The following PRPF18 variants were observed in gnomAD, a reference collection of about 807,000 sequenced individuals.
PRPF18 encodes pre-mRNA-splicing factor 18.
A neutral mutation model predicts 46.5 loss-of-function variants in PRPF18; 38 were observed. That is an observed-to-expected ratio of 0.82 (90% CI 0.63 to 1.07). The LOEUF is 1.07. Among genes scored for constraint, PRPF18 ranks in the 50% least tolerant of loss-of-function variants. The probability of loss-of-function intolerance (pLI) is 0.00; values close to 1 mark genes in which losing one functional copy is unlikely to be tolerated. For synonymous variants in PRPF18, 152 were observed against 146.7 expected (o/e 1.04, Z -0.26); for missense variants, 263 against 410.0 (o/e 0.64, Z 3.10).
At chr10:13,630,986 A>G (rs2134116580), downstream of PRPF18, 1 of 152,382 alleles carries the variant, frequency 6.6e-6, no homozygotes, top group African/African-American at 2.4e-5. Flanking sequence ...AGAAGTTTGA[A>G]GAAACAGAGA....
In PRPF18 at chr10:13,630,700, T is replaced by C. The variant is rs1004240720; in HGVS notation, c.*360T>C. 1 of 152,922 alleles carries C rather than the reference T, an allele frequency of 6.5e-6. No homozygotes were observed. Among genetic ancestry groups the C allele is most frequent in the African/African-American group, 2.4e-5 (1 of 41,468 alleles). 9.5% of individuals were successfully genotyped at this position (152,922 alleles called of 1,614,324 possible). ...AACATTTGAGGATGGACTTAATTATTTCAGTAAAATATTATAATTTGCCTA... is the reference window on the plus strand; with the variant it reads ...AACATTTGAGGATGGACTTAATTATCTCAGTAAAATATTATAATTTGCCTA... On this transcript the variant is annotated 3_prime_UTR_variant, in exon 10 of 10. Transcript: ENST00000378572.
At chr10:13,616,023 T>C (rs963652050) in intron 8 of PRPF18, among the ~76,000 whole-genome samples, 3 of 152,214 alleles carry the variant, frequency 2.0e-5, no homozygotes, top group Admixed American at 6.5e-5. Context: ...TGACCCCCTG[T>C]GGAGAAGACT....
intron 4 of PRPF18, among the ~76,000 whole-genome samples, chr10:13,608,331 T>C (rs567455286): frequency 6.6e-6 from 1 of 152,254 alleles, no homozygotes; most frequent in African/African-American, 2.4e-5. Context: ...TTTCCTGGCG[T>C]CTCAGTTGGA....
At chr10:13,601,018 T>C (rs560578188) in intron 3 of PRPF18, among the ~76,000 whole-genome samples, 1 of 152,280 alleles carries the variant, frequency 6.6e-6, no homozygotes, top group East Asian at 1.9e-4. Flanking sequence ...TGACCTCAAG[T>C]GATCCACCTG....
At chr10:13,640,290 C>T in the PRPF18 span, 2 of 101,710 alleles carry the variant, frequency 2.0e-5, no homozygotes, top group Non-Finnish European at 4.5e-5. Flanking sequence ...TCTTCACTAT[C>T]TGTTGACAGT....
chr10:13,625,273 G>A (rs1018002076), intron 9 of PRPF18, among the ~76,000 whole-genome samples: 26 of 152,130 alleles, frequency 1.7e-4, no homozygotes, highest in Non-Finnish European at 5.9e-5. Flanking sequence ...AGCTAGGATC[G>A]TGCCACTGCA....
At chr10:13,588,524 T>C (rs1012362280) in intron 1 of PRPF18, among the ~76,000 whole-genome samples, 1 of 148,538 alleles carries the variant, frequency 6.7e-6, no homozygotes. Context: ...TGCAGTGAGC[T>C]ATCATCGTGC....
intron 1 of PRPF18, among the ~76,000 whole-genome samples, chr10:13,587,819 C>G (rs544376040): frequency 6.6e-6 from 1 of 152,310 alleles, no homozygotes; most frequent in East Asian, 1.9e-4. Context: ...TGCTTCATTC[C>G]TGTGTTTTGT....
chr10:13,636,214 G>C, the PRPF18 span, among the ~76,000 whole-genome samples: 2 of 152,332 alleles, frequency 1.3e-5, no homozygotes, highest in East Asian at 3.9e-4. Flanking sequence ...TTGAGCTCAG[G>C]AGTTTGAGGC....
At chr10:13,640,431 G>C in the PRPF18 span, 2 of 152,198 alleles carry the variant, frequency 1.3e-5, no homozygotes, top group Non-Finnish European at 2.9e-5. Flanking sequence ...CCAAGCTCAG[G>C]TGGATTTTTC....
the PRPF18 span, chr10:13,654,595 C>T: frequency 1.2e-6 from 1 of 840,708 alleles, no homozygotes; most frequent in Non-Finnish European, 2.0e-6. Flanking sequence ...TTGGCTGACA[C>T]CAACCCAGTG....
chr10:13,587,101 A>G lies in PRPF18; in HGVS notation c.15A>G (p.Lys5=). 6.2e-7 allele frequency: 1 copy of G among 1,614,160 alleles called. No homozygotes were observed. Among genetic ancestry groups the G allele is most frequent in the Non-Finnish European group, 8.5e-7 (1 of 1,179,982 alleles). Residue 5 remains lysine (K), a synonymous_variant, in exon 1 of 10, where the codon AAA becomes AAG. Transcript: ENST00000378572. ...CTGGCGGCGAGATGGACATTCTGAAATCAGAGATCCTTCGGAAGCGGCAGC... is the reference window on the plus strand; with the variant it reads ...CTGGCGGCGAGATGGACATTCTGAAGTCAGAGATCCTTCGGAAGCGGCAGC... MDIL[K]SEILRKRQLV...
the PRPF18 span, chr10:13,648,172 G>A: frequency 6.6e-6 from 1 of 152,146 alleles, no homozygotes; most frequent in South Asian, 2.1e-4. Context: ...ATATACTGGT[G>A]GATTTTAATG....
At chr10:13,589,105 G>T (rs1477729506) in intron 1 of PRPF18, among the ~76,000 whole-genome samples, 1 of 152,166 alleles carries the variant, frequency 6.6e-6, no homozygotes, top group Non-Finnish European at 1.5e-5. Context: ...AAACTGTCAG[G>T]CTCCTGATGA....
chr10:13,609,939 G>A, intron 4 of PRPF18, 100 bp from the exon 5 acceptor site: 1 of 1,292,728 alleles, frequency 7.7e-7, no homozygotes, highest in Non-Finnish European at 1.1e-6. Context: ...TCTTCTTGTG[G>A]GGGAAAAAAT....
intron 1 of PRPF18, among the ~76,000 whole-genome samples, chr10:13,594,123 A>G (rs540135770): frequency 1.3e-5 from 2 of 152,374 alleles, no homozygotes; most frequent in Admixed American, 6.5e-5. Context: ...TTACCGTATT[A>G]GAAATTAAAG....
intron 9 of PRPF18, among the ~76,000 whole-genome samples, chr10:13,624,587 T>G (rs147349288): frequency 4.9e-4 from 74 of 152,338 alleles, no homozygotes; most frequent in African/African-American, 1.5e-3. Context: ...GGATATGTAC[T>G]GCTCAGGAAG....
At chr10:13,624,343 A>G (rs2133980312) in intron 9 of PRPF18, among the ~76,000 whole-genome samples, 1 of 152,368 alleles carries the variant, frequency 6.6e-6, no homozygotes. Context: ...AAAAATGAAT[A>G]TAGCTAAATA....
intron 1 of PRPF18, among the ~76,000 whole-genome samples, chr10:13,595,013 A>G (rs757329420): frequency 6.6e-6 from 1 of 152,208 alleles, no homozygotes; most frequent in Non-Finnish European, 1.5e-5. Flanking sequence ...TGCTAATTAT[A>G]CTTCGTCAAG....
Sources: allele counts gnomAD v4.1 joint callset (sites outside exome capture counted in the v4.1 genomes callset), GRCh38; gene constraint gnomAD v4.1.1; transcripts MANE v1.5; gene names NCBI Gene and HGNC (gene_info 2026-07-23, HGNC 2026-07-21).